IL17REL: variants seen among roughly 807,000 people sequenced by gnomAD.
IL17REL encodes interleukin-17 receptor E-like protein.
A neutral mutation model predicts 49.0 loss-of-function variants in IL17REL; 36 were observed. The observed-to-expected ratio is 0.73, with a 90% confidence interval of 0.56 to 0.97. The LOEUF is 0.97. Ranked by LOEUF, IL17REL falls within the 50% of genes least tolerant of loss-of-function variation. The probability of loss-of-function intolerance (pLI) is 0.00; values close to 1 mark genes in which losing one functional copy is unlikely to be tolerated. For missense variants in IL17REL, 470 were observed against 453.9 expected (o/e 1.04, Z -0.32); for synonymous variants, 206 against 192.4 (o/e 1.07, Z -0.58).
intron 1 of IL17REL, among the ~76,000 whole-genome samples, chr22:50,006,954 CAAAA>C (rs34032002): frequency 9.8e-6 from 1 of 101,916 alleles, no homozygotes; most frequent in Non-Finnish European, 2.1e-5. Context: ...GACTCTGTCT[CAAAA>C]AAAAAAAAAA....
intron 3 of IL17REL, 26 bp downstream of exon 4, chr22:50,000,728 G>A (rs1214618680): frequency 1.3e-6 from 2 of 1,560,818 alleles, no homozygotes; most frequent in East Asian, 4.5e-5. Context: ...CGGGACTTGG[G>A]TGGCAGAGCC....
chr22:49,994,125 C>T (rs1315194823), downstream of IL17REL, among the ~76,000 whole-genome samples: 1 of 151,892 alleles, frequency 6.6e-6, no homozygotes. Flanking sequence ...GCCTGCATCC[C>T]CCCATGCCCC....
In IL17REL at chr22:49,998,119, T is replaced by G. The variant is rs1569208286; in HGVS notation, c.774+18A>C. On this transcript the variant is annotated intron_variant, in intron 8 of 12. Coordinates refer to ENST00000341280, the Ensembl canonical transcript of IL17REL. ...TGGCATCCATGCCCACCCCCATCCCTGCTGAGCAGGCACTCACTCTGCGAT... is the reference window on the plus strand; with the variant it reads ...TGGCATCCATGCCCACCCCCATCCCGGCTGAGCAGGCACTCACTCTGCGAT... 1 of 1,598,078 alleles carries G rather than the reference T, an allele frequency of 6.3e-7. No individual in the cohort carries two copies. Among genetic ancestry groups the G allele is most frequent in the Non-Finnish European group, 8.5e-7 (1 of 1,172,328 alleles).
upstream of IL17REL, among the ~76,000 whole-genome samples, chr22:50,009,520 C>A (rs973624730): frequency 6.6e-6 from 1 of 152,130 alleles, no homozygotes; most frequent in Non-Finnish European, 1.5e-5. Context: ...AGAGTCCAGG[C>A]CCCCTGGGGG....
upstream of IL17REL, among the ~76,000 whole-genome samples, chr22:50,009,568 C>T (rs977090882): frequency 6.8e-5 from 10 of 147,590 alleles, no homozygotes; most frequent in East Asian, 2.1e-4. Context: ...GTGCAGCCCG[C>T]GGTCAACACA....
chr22:49,996,224 A>G (rs1403358241), exon 13 of IL17REL: 1 of 152,028 alleles, frequency 6.6e-6, no homozygotes, highest in Non-Finnish European at 1.5e-5. Context: ...AGGCTGTCCT[A>G]TCCACCCCCT....
At chr22:50,010,422 C>T (rs2146764095), upstream of IL17REL, among the ~76,000 whole-genome samples, 1 of 152,318 alleles carries the variant, frequency 6.6e-6, no homozygotes, top group Middle Eastern at 3.4e-3. Context: ...GAGGGAGCGG[C>T]GGAGGCAGCG....
intron 1 of IL17REL, among the ~76,000 whole-genome samples, chr22:50,001,874 CAGG>C: frequency 6.6e-6 from 1 of 152,344 alleles, no homozygotes; most frequent in East Asian, 1.9e-4. Flanking sequence ...AGCTGTTCCA[CAGG>C]AGGACTGCCA....
At chr22:50,010,795 G>T (rs964043237), upstream of IL17REL, among the ~76,000 whole-genome samples, 2 of 109,914 alleles carry the variant, frequency 1.8e-5, no homozygotes, top group Admixed American at 1.9e-4. Context: ...GGGCGCGCTG[G>T]GGGGAAGGTG....
chr22:50,001,255 G>A (rs2061078628), intron 1 of IL17REL, 24 bp from the exon 3 acceptor site: 7 of 1,032,114 alleles, frequency 6.8e-6, no homozygotes, highest in African/African-American at 1.6e-5. Context: ...AGGAGCGTGA[G>A]GCCTCGAGTT....
At chr22:50,000,382 T>TGTGA in intron 4 of IL17REL, 96 bp downstream of exon 5, 1 of 898,682 alleles carries the variant, frequency 1.1e-6, no homozygotes, top group Non-Finnish European at 1.8e-6. Context: ...ATCTGTCCAG[T>TGTGA]GTGAGGGCCA....
At chr22:50,007,690 T>C (rs2061117626) in intron 1 of IL17REL, among the ~76,000 whole-genome samples, 1 of 152,104 alleles carries the variant, frequency 6.6e-6, no homozygotes, top group African/African-American at 2.4e-5. Context: ...GCTTTGCATT[T>C]GTTGTTTGTT....
chr22:49,998,113 C>A, intron 8 of IL17REL, 24 bp downstream of exon 10: 1 of 1,594,652 alleles, frequency 6.3e-7, no homozygotes, highest in Non-Finnish European at 8.5e-7. Context: ...TGCCCACCCC[C>A]ATCCCTGCTG....
chr22:50,009,624 G>A (rs1020849663), upstream of IL17REL, among the ~76,000 whole-genome samples: 1 of 141,462 alleles, frequency 7.1e-6, no homozygotes, highest in East Asian at 2.4e-4. Context: ...GACCGGACGG[G>A]GAAGCCCAGG....
chr22:49,999,799 TG>T, intron 5 of IL17REL, 28 bp downstream of exon 7: 7 of 1,474,118 alleles, frequency 4.7e-6, no homozygotes, highest in Non-Finnish European at 5.4e-6. Flanking sequence ...GGCCTAAGGC[TG>T]ACCGGGGCCC....
chr22:49,997,723 G>A, exon 10 of IL17REL: 2 of 1,613,966 alleles, frequency 1.2e-6, no homozygotes, highest in East Asian at 2.2e-5. Flanking sequence ...CCGCACCCAG[G>A]ACCCCCAACT....
chr22:49,999,974 G>A lies in IL17REL; in HGVS notation c.335-7C>T, dbSNP rs549360900. On this transcript the variant is annotated splice_polypyrimidine_tract_variant and splice_region_variant and intron_variant, in intron 4 of 12. Coordinates refer to ENST00000341280, the Ensembl canonical transcript of IL17REL. Reference sequence around the variant, plus strand: ...CAGTAGCTGAGCTTCCCCGCTGCAGGAGGCGGCAAGTCGGGGCCGCGCTGG... The same window carrying A: ...CAGTAGCTGAGCTTCCCCGCTGCAGAAGGCGGCAAGTCGGGGCCGCGCTGG... 9.8e-5 allele frequency: 147 copies of A among 1,501,610 alleles called. No individual in the cohort carries two copies. Among genetic ancestry groups the A allele is most frequent in the Middle Eastern group, 5.5e-4 (3 of 5,468 alleles). The allele number at this position is 1,501,610 out of a possible 1,614,324, so 93.0% of individuals were successfully genotyped here.
upstream of IL17REL, among the ~76,000 whole-genome samples, chr22:50,011,004 TC>T (rs71196396): frequency 0.49 from 69,219 of 142,340 alleles, 17,022 homozygotes; most frequent in South Asian, 0.75. Flanking sequence ...CCCGCGCGGG[TC>T]CCCCCCCAGG....
chr22:50,002,432 G>C (rs542414410), intron 1 of IL17REL, among the ~76,000 whole-genome samples: 5 of 152,128 alleles, frequency 3.3e-5, no homozygotes, highest in Admixed American at 6.5e-5. Flanking sequence ...GTGCCTCAAA[G>C]GGGCACTGGG....
Sources: gnomAD v4.1 joint callset for allele counts (sites outside exome capture counted in the v4.1 genomes callset) on GRCh38, gnomAD v4.1.1 for gene constraint, MANE v1.5 for transcripts, NCBI Gene and HGNC (gene_info 2026-07-23, HGNC 2026-07-21) for gene names.